The following LMBR1 variants were observed in gnomAD, a reference collection of about 807,000 sequenced individuals.
The protein encoded by LMBR1 is limb region 1 protein homolog.
Under a neutral mutation model 73.9 loss-of-function variants are expected in LMBR1, and 52 were observed. The observed-to-expected ratio is 0.70, with a 90% CI of 0.56 to 0.89. LMBR1 has a LOEUF of 0.89. LMBR1 is among the 40% of genes least tolerant of loss of function. The pLI is 0.00. For missense variants in LMBR1, 539 were observed against 579.8 expected (o/e 0.93, Z 0.72); for synonymous variants, 215 against 209.4 (o/e 1.03, Z -0.23).
intron 4 of LMBR1, among the ~76,000 whole-genome samples, chr7:156,672,645 TAG>T (rs1303153000): frequency 9.2e-5 from 14 of 152,208 alleles, no homozygotes; most frequent in African/African-American, 3.4e-4. Flanking sequence ...AGGCATCCTG[TAG>T]AGAGAGCGAT....
chr7:156,735,548 G>GTT (rs5888692), intron 9 of LMBR1, among the ~76,000 whole-genome samples: 24,577 of 142,010 alleles, frequency 0.17, 2,203 homozygotes, highest in African/African-American at 0.21. Flanking sequence ...TAAGAGTGGT[G>GTT]TTTTTTTTTT....
intron 15 of LMBR1, among the ~76,000 whole-genome samples, chr7:156,713,925 T>C (rs1812643295): frequency 6.6e-6 from 1 of 152,238 alleles, no homozygotes; most frequent in Non-Finnish European, 1.5e-5. Context: ...GTTAAATTTT[T>C]AAAGAATTTT....
chr7:156,839,605 G>T (rs1365167981), intron 1 of LMBR1, among the ~76,000 whole-genome samples: 1 of 152,128 alleles, frequency 6.6e-6, no homozygotes, highest in African/African-American at 2.4e-5. Flanking sequence ...AGTACTGGTG[G>T]CCATATGACT....
intron 15 of LMBR1, among the ~76,000 whole-genome samples, chr7:156,704,845 G>T (rs774309413): frequency 2.0e-5 from 3 of 150,312 alleles, no homozygotes; most frequent in Non-Finnish European, 3.0e-5. Context: ...TAGACCAATA[G>T]AAGAAAGAAT....
At chr7:156,739,564 C>T (rs908330248) in intron 9 of LMBR1, among the ~76,000 whole-genome samples, 1 of 152,190 alleles carries the variant, frequency 6.6e-6, no homozygotes, top group African/African-American at 2.4e-5. Flanking sequence ...GTGCTTGCAT[C>T]ACCCCAACTC....
At chr7:156,788,488 T>C (rs1488290390) in intron 5 of LMBR1, among the ~76,000 whole-genome samples, 1 of 151,816 alleles carries the variant, frequency 6.6e-6, no homozygotes, top group Admixed American at 6.6e-5. Flanking sequence ...AGAAAACAGC[T>C]CAAAACCACG....
downstream of LMBR1, among the ~76,000 whole-genome samples, chr7:156,674,864 G>A (rs1208981635): frequency 6.6e-6 from 1 of 152,184 alleles, no homozygotes; most frequent in Non-Finnish European, 1.5e-5. Flanking sequence ...CTATGGGACA[G>A]AGCTGATCCT....
intron 1 of LMBR1, among the ~76,000 whole-genome samples, chr7:156,889,145 G>A (rs1384900217): frequency 6.6e-6 from 1 of 152,160 alleles, no homozygotes. Flanking sequence ...AAGCCAGATA[G>A]AAAAGGACAA....
At chr7:156,675,936 G>A (rs964904765), downstream of LMBR1, 1 of 1,457,818 alleles carries the variant, frequency 6.9e-7, no homozygotes. Flanking sequence ...GTGGCATGTG[G>A]GGGGAGGTCG....
chr7:156,679,558 G>T lies in LMBR1; in HGVS notation c.*4520C>A, dbSNP rs767275083. On this transcript the variant is annotated 3_prime_UTR_variant, in exon 17 of 17. Transcript: ENST00000353442. ...TTCTGAAGTGTCAGTGTTTGTAAGCGGCATCGTTCATTCAGTAACAGCTTT... is the reference window on the plus strand; with the variant it reads ...TTCTGAAGTGTCAGTGTTTGTAAGCTGCATCGTTCATTCAGTAACAGCTTT... 1.5e-4 allele frequency: 23 copies of T among 152,110 alleles called. No individual in the cohort carries two copies. Among genetic ancestry groups the T allele is most frequent in the African/African-American group, 5.6e-4 (23 of 41,418 alleles). 9.4% of individuals were successfully genotyped at this position (152,110 alleles called of 1,614,324 possible). A position where few individuals can be genotyped will look rare whatever the true frequency, so the allele number is the denominator to read the frequency against.
chr7:156,882,724 T>C (rs780569432), intron 1 of LMBR1, among the ~76,000 whole-genome samples: 2 of 151,538 alleles, frequency 1.3e-5, no homozygotes, highest in African/African-American at 4.9e-5. Flanking sequence ...ATCAACAATA[T>C]AATTGCACAC....
intron 1 of LMBR1, among the ~76,000 whole-genome samples, chr7:156,874,231 C>T (rs1029635584): frequency 6.6e-6 from 1 of 152,260 alleles, no homozygotes; most frequent in African/African-American, 2.4e-5. Flanking sequence ...ACACCCTCCG[C>T]AGCCACTGGC....
At chr7:156,799,812 G>C (rs10265465) in intron 4 of LMBR1, among the ~76,000 whole-genome samples, 16,401 of 152,256 alleles carry the variant, frequency 0.11, 936 homozygotes, top group South Asian at 0.15. Flanking sequence ...GGAAATTAAA[G>C]TGCTACTCCA....
intron 4 of LMBR1, among the ~76,000 whole-genome samples, chr7:156,806,885 T>C (rs1832228475): frequency 6.6e-6 from 1 of 152,146 alleles, no homozygotes; most frequent in South Asian, 2.1e-4. Context: ...GTGCTGGGAT[T>C]ACAGGCGTGA....
At chr7:156,880,362 G>C (rs991090313) in intron 1 of LMBR1, among the ~76,000 whole-genome samples, 1 of 152,242 alleles carries the variant, frequency 6.6e-6, no homozygotes, top group Admixed American at 6.5e-5. Context: ...GGTGGGAAAG[G>C]GGTGAGGGAT....
At chr7:156,707,152 G>C (rs1309635856) in intron 15 of LMBR1, among the ~76,000 whole-genome samples, 2 of 151,960 alleles carry the variant, frequency 1.3e-5, no homozygotes, top group Non-Finnish European at 2.9e-5. Context: ...ATAAATTACT[G>C]GCTAGAAACA....
chr7:156,874,201 G>A (rs1044199010), intron 1 of LMBR1, among the ~76,000 whole-genome samples: 16 of 152,256 alleles, frequency 1.1e-4, no homozygotes, highest in Admixed American at 2.0e-4. Flanking sequence ...CCAGTGGGCC[G>A]GCACCGCTGG....
intron 1 of LMBR1, among the ~76,000 whole-genome samples, chr7:156,857,291 G>A (rs1420085661): frequency 6.6e-6 from 1 of 152,154 alleles, no homozygotes; most frequent in Non-Finnish European, 1.5e-5. Flanking sequence ...CAGTGACAGA[G>A]AAAGACAAAC....
chr7:156,689,128 G>A (rs962362250), intron 15 of LMBR1, among the ~76,000 whole-genome samples: 2 of 152,038 alleles, frequency 1.3e-5, no homozygotes, highest in African/African-American at 4.8e-5. Flanking sequence ...ACATGGCCAG[G>A]TCCAGTATTT....
Sources: allele counts gnomAD v4.1 joint callset (sites outside exome capture counted in the v4.1 genomes callset), GRCh38; gene constraint gnomAD v4.1.1; transcripts MANE v1.5; gene names NCBI Gene and HGNC (gene_info 2026-07-23, HGNC 2026-07-21).